The following MRTFA variants were observed in gnomAD, a reference collection of about 807,000 sequenced individuals.
MRTFA encodes the protein myocardin related transcription factor A, also known as myocardin-related transcription factor A.
MRTFA carries 20 observed loss-of-function variants against 83.5 expected under a neutral mutation model. The observed-to-expected ratio is 0.24, with a 90% confidence interval of 0.17 to 0.35. The LOEUF (loss-of-function observed/expected upper bound fraction) is 0.35. Among genes scored for constraint, MRTFA ranks in the 10% least tolerant of loss-of-function variants. The pLI is 1.00. For missense variants in MRTFA, 1,200 were observed against 1,224.7 expected (o/e 0.98, Z 0.30); for synonymous variants, 659 against 541.2 (o/e 1.22, Z -3.02).
chr22:40,412,712 A>G (rs1242679097), intron 14 of MRTFA: 1 of 152,194 alleles, frequency 6.6e-6, no homozygotes, highest in Admixed American at 6.5e-5. Context: ...GGAAGGGCCA[A>G]ATGGGAAGTT....
intron 3 of MRTFA, among the ~76,000 whole-genome samples, chr22:40,478,097 G>A (rs1164116286): frequency 6.6e-6 from 1 of 152,190 alleles, no homozygotes; most frequent in Non-Finnish European, 1.5e-5. Flanking sequence ...CCAGAGAAAC[G>A]AGCTGCTGAA....
At chr22:40,582,311 CT>C (rs2055958866) in intron 2 of MRTFA, among the ~76,000 whole-genome samples, 1 of 152,216 alleles carries the variant, frequency 6.6e-6, no homozygotes, top group Non-Finnish European at 1.5e-5. Context: ...TATTTATCCA[CT>C]CATCAGCTGA....
At chr22:40,422,363 A>T (rs1279903124) in intron 9 of MRTFA, among the ~76,000 whole-genome samples, 1 of 152,240 alleles carries the variant, frequency 6.6e-6, no homozygotes, top group African/African-American at 2.4e-5. Flanking sequence ...CAAAATACAC[A>T]GACTCTTCTT....
chr22:40,456,614 G>A (rs957661236), intron 4 of MRTFA, among the ~76,000 whole-genome samples: 24 of 152,218 alleles, frequency 1.6e-4, no homozygotes, highest in African/African-American at 5.5e-4. Flanking sequence ...TTTGGGCCAG[G>A]AGGCAGAGGT....
In MRTFA at chr22:40,547,074, G is replaced by C. The variant is rs6001961; in HGVS notation, c.241+5032C>G. Among the ~76,000 whole-genome samples, 1,124 of 152,134 alleles carry C rather than the reference G, an allele frequency of 7.4e-3. 25 individuals are homozygous for C. The Middle Eastern group carries it at 0.075, about 10-fold the overall frequency. ...GGAGGCTGAGGCAGGAGAATGGTGTGAACCCAGGAGGCGGAGCTTGCAGTG... is the reference window on the plus strand; with the variant it reads ...GGAGGCTGAGGCAGGAGAATGGTGTCAACCCAGGAGGCGGAGCTTGCAGTG... On this transcript the variant is annotated intron_variant, in intron 3 of 14. Transcript: ENST00000355630.
rs764365801 is a variant in MRTFA at position 40,418,825 on chromosome 22, G to A, written c.1913C>T (p.Thr638Met). ...CTGCTGCTTCTGCCGGAGCATGCGC[G>A]TCAGCGCCTCGATCTGCTTGTCTTT... Residue 638 changes from threonine to methionine, a missense_variant, in exon 12 of 15, where the codon ACG (threonine) becomes ATG (methionine). Coordinates refer to ENST00000355630, the MANE Select transcript of MRTFA (RefSeq NM_020831.6). The A allele has an allele frequency of 4.7e-5, 76 of 1,610,978 alleles. No individual in the cohort carries two copies. Among genetic ancestry groups the A allele is most frequent in the Middle Eastern group, 1.6e-4 (1 of 6,076 alleles).
intron 2 of MRTFA, among the ~76,000 whole-genome samples, chr22:40,560,749 C>T (rs986018768): frequency 7.9e-5 from 12 of 152,196 alleles, no homozygotes; most frequent in Admixed American, 5.9e-4. Context: ...AGGGTCATCT[C>T]CCACAACCCA....
At chr22:40,621,637 C>T (rs111682081) in intron 1 of MRTFA, among the ~76,000 whole-genome samples, 41 of 152,226 alleles carry the variant, frequency 2.7e-4, no homozygotes, top group African/African-American at 9.4e-4. Context: ...TTTTTAAACA[C>T]CGTGGGCAAA....
Position 40,617,200 on chromosome 22 carries a change from G to A in MRTFA, c.-84+19278C>T, listed in dbSNP as rs868234828. 6.2e-4 allele frequency among the ~76,000 whole-genome samples: 75 copies of A among 120,604 alleles called. 1 individual carries two copies. Among genetic ancestry groups the A allele is most frequent in the Middle Eastern group, 8.5e-3 (2 of 234 alleles). 79.1% of individuals were successfully genotyped at this position (120,604 alleles called of 152,430 possible). On this transcript the variant is annotated intron_variant, in intron 1 of 14. Transcript: ENST00000355630. ...AAGGAGGGAAGGAGGGAGGGAGGGA[G>A]GGAGGGAGGGAGGGAGGGAGGGCGG... is the stretch of plus-strand genomic sequence containing the variant.
chr22:40,422,347 T>G (rs2052858792), intron 9 of MRTFA, among the ~76,000 whole-genome samples: 1 of 152,064 alleles, frequency 6.6e-6, no homozygotes, highest in African/African-American at 2.4e-5. Context: ...TGAAGAGATG[T>G]GTAGACAAAA....
chr22:40,457,608 A>C (rs371140669), intron 4 of MRTFA, among the ~76,000 whole-genome samples: 18 of 152,228 alleles, frequency 1.2e-4, no homozygotes, highest in African/African-American at 3.9e-4. Context: ...CTATGGGTGC[A>C]CAGGAACATC....
intron 3 of MRTFA, among the ~76,000 whole-genome samples, chr22:40,539,420 A>G (rs1367510142): frequency 6.7e-6 from 1 of 149,710 alleles, no homozygotes; most frequent in African/African-American, 2.5e-5. Context: ...GCTCACTGCA[A>G]CCTCCACCTC....
At chr22:40,492,729 C>G (rs749117106) in intron 3 of MRTFA, among the ~76,000 whole-genome samples, 3 of 151,980 alleles carry the variant, frequency 2.0e-5, no homozygotes, top group African/African-American at 4.8e-5. Flanking sequence ...TAAAAGATAC[C>G]AAAAAGCAGA....
In MRTFA at chr22:40,520,706, C is replaced by T. The variant is rs568985269; in HGVS notation, c.241+31400G>A. Among the ~76,000 whole-genome samples, 5 of 152,326 alleles carry T rather than the reference C, an allele frequency of 3.3e-5. No homozygotes were observed. The East Asian group carries it at 9.6e-4, about 29-fold the overall frequency. ...ATAGGCATAAGCCACCACACAAGGC[C>T]AAGGTTCATTCATTTTATAACATAT... On this transcript the variant is annotated intron_variant, in intron 3 of 14. Coordinates refer to ENST00000355630, the MANE Select transcript of MRTFA (RefSeq NM_020831.6).
At chr22:40,431,554 A>G in intron 5 of MRTFA, 74 bp from the exon 6 acceptor site, 1 of 1,412,088 alleles carries the variant, frequency 7.1e-7, no homozygotes, top group Non-Finnish European at 1.0e-6. Context: ...TCACAACAGC[A>G]GCCTTGGCCA....
At chr22:40,599,334 T>G (rs773684769) in intron 1 of MRTFA, among the ~76,000 whole-genome samples, 1 of 152,118 alleles carries the variant, frequency 6.6e-6, no homozygotes, top group Non-Finnish European at 1.5e-5. Context: ...TAGAAAACTA[T>G]AGCAATTATT....
intron 3 of MRTFA, among the ~76,000 whole-genome samples, chr22:40,482,766 A>G (rs1239405147): frequency 6.6e-6 from 1 of 152,184 alleles, no homozygotes; most frequent in Non-Finnish European, 1.5e-5. Context: ...ACTTTGTTGT[A>G]CAGATTCAAA....
intron 1 of MRTFA, among the ~76,000 whole-genome samples, chr22:40,619,889 C>CAAA (rs1213944103): frequency 5.7e-5 from 3 of 52,444 alleles, no homozygotes; most frequent in African/African-American, 1.5e-4. Context: ...AACTCCGTCT[C>CAAA]AAAAAAAAAA....
At chr22:40,600,536 T>C (rs1312937353) in intron 1 of MRTFA, among the ~76,000 whole-genome samples, 1 of 151,916 alleles carries the variant, frequency 6.6e-6, no homozygotes, top group South Asian at 2.1e-4. Context: ...AAGAGGAAAA[T>C]GGAAGCAATA....
Sources: gnomAD v4.1 joint callset for allele counts (sites outside exome capture counted in the v4.1 genomes callset) on GRCh38, gnomAD v4.1.1 for gene constraint, MANE v1.5 for transcripts, NCBI Gene and HGNC (gene_info 2026-07-23, HGNC 2026-07-21) for gene names.